BCL2L14: variants seen among roughly 807,000 people sequenced by gnomAD.
BCL2L14 encodes the protein apoptosis facilitator Bcl-2-like protein 14.
A neutral mutation model predicts 35.3 loss-of-function variants in BCL2L14; 27 were observed. The observed-to-expected ratio is 0.76, with a 90% CI of 0.56 to 1.05. The LOEUF (loss-of-function observed/expected upper bound fraction) is 1.05. BCL2L14 is among the 50% of genes least tolerant of loss of function. The pLI, the probability that BCL2L14 is intolerant of heterozygous loss-of-function variation, is 0.00. For missense variants in BCL2L14, 377 were observed against 382.6 expected (o/e 0.99, Z 0.12); for synonymous variants, 139 against 145.9 (o/e 0.95, Z 0.34).
chr12:12,097,916 T>C (rs1025255767), intron 5 of BCL2L14, among the ~76,000 whole-genome samples: 3 of 152,170 alleles, frequency 2.0e-5, no homozygotes, highest in Non-Finnish European at 4.4e-5. Flanking sequence ...CAATTCAAAA[T>C]GTATTTCTTA....
chr12:12,092,805 T>C (rs1949220923), intron 4 of BCL2L14, among the ~76,000 whole-genome samples: 1 of 152,054 alleles, frequency 6.6e-6, no homozygotes, highest in Non-Finnish European at 1.5e-5. Context: ...GTGGGCGTGG[T>C]TCAGGGAAAA....
At chr12:12,081,455 C>G (rs1948922080) in intron 2 of BCL2L14, among the ~76,000 whole-genome samples, 1 of 121,662 alleles carries the variant, frequency 8.2e-6, no homozygotes, top group Non-Finnish European at 1.6e-5. Context: ...GACTCTGTCT[C>G]CAAAAAAAAA....
intron 5 of BCL2L14, among the ~76,000 whole-genome samples, chr12:12,096,418 C>A (rs1167479823): frequency 1.5e-5 from 2 of 135,264 alleles, no homozygotes; most frequent in African/African-American, 2.8e-5. Context: ...CCAAGAACAC[C>A]ACCACCAAGA....
chr12:12,085,545 C>G (rs1949023419), intron 2 of BCL2L14, among the ~76,000 whole-genome samples: 1 of 152,230 alleles, frequency 6.6e-6, no homozygotes, highest in African/African-American at 2.4e-5. Flanking sequence ...CTTGATCTTT[C>G]TTCTCTCCGT....
At chr12:12,062,028 C>G (rs994786382) in intron 2 of BCL2L14, among the ~76,000 whole-genome samples, 2 of 152,086 alleles carry the variant, frequency 1.3e-5, no homozygotes, top group African/African-American at 4.8e-5. Context: ...CTCATGTCTC[C>G]GTGCAGTGGC....
At chr12:12,058,480 T>C (rs1001658946) in intron 2 of BCL2L14, among the ~76,000 whole-genome samples, 8 of 152,086 alleles carry the variant, frequency 5.3e-5, no homozygotes, top group African/African-American at 1.9e-4. Flanking sequence ...TGTAACATTC[T>C]ACCACAAAAG....
chr12:12,091,110 A>C (rs1949180327), intron 4 of BCL2L14, among the ~76,000 whole-genome samples: 1 of 152,250 alleles, frequency 6.6e-6, no homozygotes, highest in African/African-American at 2.4e-5. Flanking sequence ...TATTGCAAGA[A>C]AAGACACCAG....
chr12:12,097,006 T>A (rs2961551), intron 5 of BCL2L14, among the ~76,000 whole-genome samples: 2 of 151,952 alleles, frequency 1.3e-5, no homozygotes, highest in African/African-American at 2.4e-5. Context: ...TAGCCGGGCA[T>A]GGTGGCAGGT....
At chr12:12,051,614 G>A (rs539770457) in intron 1 of BCL2L14, among the ~76,000 whole-genome samples, 6 of 152,196 alleles carry the variant, frequency 3.9e-5, no homozygotes, top group South Asian at 4.2e-4. Context: ...TAGCTGAATC[G>A]AATCTTTCCA....
intron 5 of BCL2L14, among the ~76,000 whole-genome samples, chr12:12,097,702 T>C (rs896021614): frequency 3.9e-5 from 6 of 152,020 alleles, no homozygotes; most frequent in Non-Finnish European, 8.8e-5. Context: ...TCAATCTTTA[T>C]AAAACTAGCA....
chr12:12,092,942 T>C (rs1949225030), intron 4 of BCL2L14, among the ~76,000 whole-genome samples: 1 of 152,206 alleles, frequency 6.6e-6, no homozygotes. Flanking sequence ...GATTTTCAAA[T>C]AAATATTTTG....
chr12:12,084,250 C>T (rs1267666512), intron 2 of BCL2L14, among the ~76,000 whole-genome samples: 1 of 152,206 alleles, frequency 6.6e-6, no homozygotes, highest in Non-Finnish European at 1.5e-5. Flanking sequence ...TGAGCCACCG[C>T]ACCCAGCCTT....
At chr12:12,080,232 A>G (rs376116537) in intron 2 of BCL2L14, among the ~76,000 whole-genome samples, 3 of 151,610 alleles carry the variant, frequency 2.0e-5, no homozygotes, top group African/African-American at 7.3e-5. Context: ...AAAGGAAATG[A>G]TGGAAGTTAA....
intron 2 of BCL2L14, among the ~76,000 whole-genome samples, chr12:12,064,400 C>CT (rs936947680): frequency 2.9e-4 from 3 of 10,180 alleles, no homozygotes; most frequent in Non-Finnish European, 7.0e-4. Flanking sequence ...CAAAAGCACA[C>CT]CCAAAAGGTG....
At chr12:12,090,646 T>TAAA (rs76419621) in intron 3 of BCL2L14, 133 bp from the exon 4 acceptor site, 6 of 321,014 alleles carry the variant, frequency 1.9e-5, no homozygotes, top group Admixed American at 6.3e-5. Flanking sequence ...AAATAAAAAA[T>TAAA]AAAAAAAAAA....
In BCL2L14 at chr12:12,061,186, T is replaced by C. The variant is rs548981133; in HGVS notation, c.-272+9339T>C. Among the ~76,000 whole-genome samples, 6 of 150,166 alleles carry C rather than the reference T, an allele frequency of 4.0e-5. No individual in the cohort carries two copies. In the East Asian group the frequency reaches 9.9e-4, roughly 25 times the overall value. On this transcript the variant is annotated intron_variant, in intron 2 of 3. Transcript: ENST00000461264. ...ACTAAATTATCTGCTTCCCTGACTA[T>C]TCCTGGGCTACAGCCACACCTAATT... is the stretch of plus-strand genomic sequence containing the variant.
intron 2 of BCL2L14, among the ~76,000 whole-genome samples, chr12:12,058,402 C>T (rs1948466029): frequency 6.6e-6 from 1 of 152,082 alleles, no homozygotes; most frequent in Non-Finnish European, 1.5e-5. Context: ...AGTCATGTGC[C>T]ACCACACTTG....
chr12:12,079,856 C>G, intron 2 of BCL2L14, 118 bp downstream of exon 2: 2 of 1,027,608 alleles, frequency 1.9e-6, no homozygotes, highest in Non-Finnish European at 2.8e-6. Context: ...CGTTGTGCCT[C>G]AGCTTTCCAA....
At chr12:12,078,929 C>T (rs545419087) in intron 1 of BCL2L14, among the ~76,000 whole-genome samples, 8 of 152,158 alleles carry the variant, frequency 5.3e-5, no homozygotes, top group Admixed American at 1.3e-4. Flanking sequence ...CCCAAGTAGC[C>T]GGGTCTACAG....
Sources: allele counts gnomAD v4.1 joint callset (sites outside exome capture counted in the v4.1 genomes callset), GRCh38; gene constraint gnomAD v4.1.1; transcripts MANE v1.5; gene names NCBI Gene and HGNC (gene_info 2026-07-23, HGNC 2026-07-21).